The following ROBO1 variants were observed in gnomAD, a reference collection of about 807,000 sequenced individuals.
The protein encoded by ROBO1 is roundabout guidance receptor 1.
Under a neutral mutation model 195.9 loss-of-function variants are expected in ROBO1, and 149 were observed. The ratio of observed to expected loss-of-function variants is 0.76; its 90% CI spans 0.67 to 0.87. The LOEUF (loss-of-function observed/expected upper bound fraction) is 0.87. Among genes scored for constraint, ROBO1 ranks in the 40% least tolerant of loss-of-function variants. The probability of loss-of-function intolerance (pLI) is 0.00; values close to 1 mark genes in which losing one functional copy is unlikely to be tolerated. For missense variants in ROBO1, 1,933 were observed against 2,068.3 expected (o/e 0.93, Z 1.27); for synonymous variants, 816 against 733.2 (o/e 1.11, Z -1.82).
In ROBO1 at chr3:78,616,156, T is replaced by C. The variant is rs188455220; in HGVS notation, c.4283-1356A>G. ...TATAAGGTTGTTTACAGATGAATTT[T>C]CAATGTTATTTCTATGTTTCGTCCA... On this transcript the variant is annotated intron_variant, in intron 27 of 30. Transcript: ENST00000464233. Among the ~76,000 whole-genome samples the C allele has an allele frequency of 4.7e-4, 71 of 152,284 alleles. No homozygotes were observed. The East Asian group carries it at 0.011, about 24-fold the overall frequency.
intron 2 of ROBO1, among the ~76,000 whole-genome samples, chr3:79,251,468 C>T (rs1169549215): frequency 6.6e-6 from 1 of 151,946 alleles, no homozygotes; most frequent in Non-Finnish European, 1.5e-5. Context: ...ATTTAGGTGA[C>T]CAGGCTGGGC....
intron 2 of ROBO1, among the ~76,000 whole-genome samples, chr3:79,448,571 C>T (rs1327659006): frequency 6.6e-6 from 1 of 152,072 alleles, no homozygotes; most frequent in East Asian, 1.9e-4. Flanking sequence ...AGGGTAATCC[C>T]CGCACCCCAC....
chr3:79,464,815 T>C (rs1937865649), intron 2 of ROBO1, among the ~76,000 whole-genome samples: 1 of 152,206 alleles, frequency 6.6e-6, no homozygotes, highest in South Asian at 2.1e-4. Flanking sequence ...CAATACTCTC[T>C]GTGAAAAATT....
intron 2 of ROBO1, among the ~76,000 whole-genome samples, chr3:79,384,562 T>A (rs1242728303): frequency 2.6e-5 from 4 of 151,956 alleles, no homozygotes; most frequent in Non-Finnish European, 5.9e-5. Flanking sequence ...CAGAGAAGTG[T>A]TTTAAAATTA....
chr3:79,159,668 T>C (rs373720002), intron 2 of ROBO1, among the ~76,000 whole-genome samples: 2 of 152,062 alleles, frequency 1.3e-5, no homozygotes, highest in African/African-American at 4.8e-5. Context: ...ATTCAATTTA[T>C]GTCAAGTCCT....
chr3:79,030,885 C>A (rs1006323810), intron 3 of ROBO1, among the ~76,000 whole-genome samples: 1 of 152,072 alleles, frequency 6.6e-6, no homozygotes, highest in Non-Finnish European at 1.5e-5. Context: ...CCACACCCAG[C>A]TAATTTTTGT....
intron 3 of ROBO1, among the ~76,000 whole-genome samples, chr3:78,979,694 A>G (rs1328972727): frequency 6.6e-6 from 1 of 152,132 alleles, no homozygotes; most frequent in Non-Finnish European, 1.5e-5. Context: ...CTGTCCCCAG[A>G]GTGCAGAGGG....
At chr3:78,617,507 A>T (rs1427148967) in intron 27 of ROBO1, 128 bp downstream of exon 27, 1 of 306,860 alleles carries the variant, frequency 3.3e-6, no homozygotes, top group Non-Finnish European at 4.2e-6. Context: ...TTAGGCAGCT[A>T]AAAAAAAAAA....
intron 1 of ROBO1, among the ~76,000 whole-genome samples, chr3:79,621,858 A>T (rs879313646): frequency 6.6e-6 from 1 of 152,214 alleles, no homozygotes; most frequent in Admixed American, 6.5e-5. Context: ...CGCAGTTGAG[A>T]CTACAAGGCA....
intron 4 of ROBO1, among the ~76,000 whole-genome samples, chr3:78,892,444 T>C (rs2036961248): frequency 6.6e-6 from 1 of 152,188 alleles, no homozygotes; most frequent in African/African-American, 2.4e-5. Flanking sequence ...GATTATCACC[T>C]TGGGCAAGTG....
chr3:79,059,989 G>T (rs2078885551), intron 3 of ROBO1, among the ~76,000 whole-genome samples: 1 of 152,022 alleles, frequency 6.6e-6, no homozygotes, highest in African/African-American at 2.4e-5. Context: ...GTGAATAGGA[G>T]AAATATCGCT....
chr3:78,881,124 A>G (rs2036153508), intron 4 of ROBO1, among the ~76,000 whole-genome samples: 1 of 152,184 alleles, frequency 6.6e-6, no homozygotes, highest in Non-Finnish European at 1.5e-5. Context: ...TAGAGGCTCA[A>G]TGCTTCAGGC....
At chr3:79,054,138 A>G (rs546940139) in intron 3 of ROBO1, among the ~76,000 whole-genome samples, 1 of 152,186 alleles carries the variant, frequency 6.6e-6, no homozygotes, top group South Asian at 2.1e-4. Context: ...GACTAATGGC[A>G]TTCTAATTAC....
intron 3 of ROBO1, among the ~76,000 whole-genome samples, chr3:79,121,853 A>G (rs571057862): frequency 6.6e-6 from 1 of 152,134 alleles, no homozygotes; most frequent in Non-Finnish European, 1.5e-5. Flanking sequence ...ACTGCTTTGT[A>G]AAAAGATTAA....
chr3:79,657,927 A>T (rs934165313), intron 1 of ROBO1, among the ~76,000 whole-genome samples: 2 of 152,116 alleles, frequency 1.3e-5, no homozygotes, highest in Non-Finnish European at 2.9e-5. Flanking sequence ...TGAGGGAATC[A>T]TAAAAAGCAT....
chr3:79,621,692 T>G (rs2107980007), intron 1 of ROBO1, among the ~76,000 whole-genome samples: 1 of 152,282 alleles, frequency 6.6e-6, no homozygotes, highest in East Asian at 1.9e-4. Context: ...GAAGAAATAG[T>G]CTTTCTCAGA....
chr3:79,303,148 T>TA (rs1190812864), intron 2 of ROBO1, among the ~76,000 whole-genome samples: 1 of 151,272 alleles, frequency 6.6e-6, no homozygotes, highest in African/African-American at 2.4e-5. Flanking sequence ...ATATATGAAT[T>TA]ATCTCACATA....
intron 14 of ROBO1, among the ~76,000 whole-genome samples, chr3:78,663,169 A>C (rs984942808): frequency 6.6e-6 from 1 of 152,016 alleles, no homozygotes; most frequent in Non-Finnish European, 1.5e-5. Flanking sequence ...AGAAAGCAAA[A>C]GCAGGAATAC....
chr3:78,657,004 A>G (rs1707073249), intron 18 of ROBO1, 94 bp downstream of exon 18: 24 of 1,168,524 alleles, frequency 2.1e-5, no homozygotes, highest in Non-Finnish European at 3.5e-6. Flanking sequence ...CTATTAAATT[A>G]GCAATGGTGG....
Sources: allele counts gnomAD v4.1 joint callset (sites outside exome capture counted in the v4.1 genomes callset), GRCh38; gene constraint gnomAD v4.1.1; transcripts MANE v1.5; gene names NCBI Gene and HGNC (gene_info 2026-07-23, HGNC 2026-07-21).